Variants in CSMD1 observed in about 807,000 individuals in gnomAD.
CSMD1 encodes the protein CUB and sushi domain-containing protein 1.
Under a neutral mutation model 417.5 loss-of-function variants are expected in CSMD1, and 213 were observed. The observed-to-expected ratio is 0.51, with a 90% CI of 0.46 to 0.57. The LOEUF (loss-of-function observed/expected upper bound fraction) is 0.57, where lower values mean the gene tolerates loss of function less well. Among genes scored for constraint, CSMD1 ranks in the 20% least tolerant of loss-of-function variants. CSMD1 has a pLI of 0.00. For synonymous variants in CSMD1, 2,862 were observed against 1,736.8 expected, an observed-to-expected ratio of 1.65 and a Z score of -16.11; for missense variants, 6,923 against 4,529.7, an observed-to-expected ratio of 1.53 and a Z score of -15.17.
intron 17 of CSMD1, among the ~76,000 whole-genome samples, chr8:3,394,904 A>C (rs550019008): frequency 1.3e-5 from 2 of 152,330 alleles, no homozygotes; most frequent in East Asian, 3.9e-4. Context: ...ATTGATAAGC[A>C]ATTTTCCTGA....
intron 3 of CSMD1, among the ~76,000 whole-genome samples, chr8:4,054,211 G>C (rs1798577130): frequency 1.3e-5 from 2 of 152,062 alleles, no homozygotes; most frequent in Non-Finnish European, 2.9e-5. Flanking sequence ...AAATGATTTG[G>C]CGCCACCTCT....
chr8:3,966,058 A>G (rs533990338), intron 5 of CSMD1, among the ~76,000 whole-genome samples: 3 of 152,360 alleles, frequency 2.0e-5, no homozygotes, highest in Non-Finnish European at 4.4e-5. Flanking sequence ...GAATGACTCT[A>G]GAATAAAATA....
chr8:3,662,924 G>C (rs942234723), intron 7 of CSMD1, among the ~76,000 whole-genome samples: 1 of 152,088 alleles, frequency 6.6e-6, no homozygotes, highest in South Asian at 2.1e-4. Context: ...GTTGATAGGT[G>C]CAGCAAACCA....
At chr8:3,238,393 C>G (rs1479791920) in intron 26 of CSMD1, among the ~76,000 whole-genome samples, 1 of 151,976 alleles carries the variant, frequency 6.6e-6, no homozygotes, top group Non-Finnish European at 1.5e-5. Flanking sequence ...AGTTTGGGTT[C>G]AGAGGCCTGA....
chr8:3,906,758 C>A (rs1010107258), intron 5 of CSMD1, among the ~76,000 whole-genome samples: 1 of 151,566 alleles, frequency 6.6e-6, no homozygotes, highest in Admixed American at 6.6e-5. Flanking sequence ...TAAATTCCTA[C>A]AAGAGGAAAA....
At position 3,439,360 on chromosome 8, in the gene CSMD1, A is replaced by C. The variant is rs574953936; in HGVS notation, c.1561+29352T>G. Among the ~76,000 whole-genome samples the C allele has an allele frequency of 2.9e-3, 399 of 137,496 alleles. 2 individuals carry two copies. The highest frequency in any genetic ancestry group is 5.4e-3 in the Non-Finnish European group (354 of 65,120). The allele number at this position is 137,496 out of a possible 152,430, so 90.2% of individuals were successfully genotyped here. On this transcript the variant is annotated intron_variant, in intron 12 of 69. Transcript: ENST00000635120. ...ATTTTGGACATTTTGATAGCTGTGT[A>C]TAATAGCTCATTTTTGTCTTAAATT...
chr8:4,968,967 C>T (rs1810064386), intron 1 of CSMD1, among the ~76,000 whole-genome samples: 1 of 152,094 alleles, frequency 6.6e-6, no homozygotes, highest in Admixed American at 6.6e-5. Context: ...ATGTTCAAGC[C>T]CCTGTGCTTT....
At chr8:4,614,627 G>C (rs1037359312) in intron 2 of CSMD1, among the ~76,000 whole-genome samples, 1 of 151,812 alleles carries the variant, frequency 6.6e-6, no homozygotes, top group Non-Finnish European at 1.5e-5. Context: ...ACACACACAC[G>C]TACACGTACA....
intron 7 of CSMD1, among the ~76,000 whole-genome samples, chr8:3,656,549 A>T (rs1283308464): frequency 6.6e-6 from 1 of 152,202 alleles, no homozygotes; most frequent in Non-Finnish European, 1.5e-5. Flanking sequence ...TAGATGCTCA[A>T]ATGAGAACAT....
At chr8:4,234,412 T>G (rs2128816560) in intron 3 of CSMD1, among the ~76,000 whole-genome samples, 1 of 152,234 alleles carries the variant, frequency 6.6e-6, no homozygotes, top group East Asian at 1.9e-4. Flanking sequence ...CACCTCAGTC[T>G]GCTCTTCCAT....
intron 7 of CSMD1, among the ~76,000 whole-genome samples, chr8:3,640,542 C>T (rs1467738212): frequency 1.3e-5 from 2 of 152,154 alleles, no homozygotes; most frequent in African/African-American, 2.4e-5. Flanking sequence ...AGCATAAACT[C>T]ATTTTTTTCC....
chr8:3,446,423 T>C (rs1039636648), intron 12 of CSMD1, among the ~76,000 whole-genome samples: 2 of 152,226 alleles, frequency 1.3e-5, no homozygotes, highest in Non-Finnish European at 2.9e-5. Flanking sequence ...ATACAATGTA[T>C]CCTGACAAAA....
intron 7 of CSMD1, among the ~76,000 whole-genome samples, chr8:3,692,907 G>A (rs540987978): frequency 1.3e-5 from 2 of 152,190 alleles, no homozygotes; most frequent in Admixed American, 6.5e-5. Context: ...CTAACAAAAT[G>A]CCATTCAATT....
At chr8:4,466,323 A>T (rs1800166595) in intron 2 of CSMD1, among the ~76,000 whole-genome samples, 1 of 152,248 alleles carries the variant, frequency 6.6e-6, no homozygotes, top group African/African-American at 2.4e-5. Flanking sequence ...AAGAGGGAAG[A>T]AAGAAAGGGA....
chr8:3,686,830 G>T (rs1433131776), intron 7 of CSMD1, among the ~76,000 whole-genome samples: 1 of 152,168 alleles, frequency 6.6e-6, no homozygotes. Context: ...CAGGCCACAT[G>T]AAATTTGCAT....
chr8:4,227,051 C>G (rs1801403200), intron 3 of CSMD1, among the ~76,000 whole-genome samples: 1 of 152,160 alleles, frequency 6.6e-6, no homozygotes. Context: ...AACTCTAAGA[C>G]TGAACGACTC....
intron 2 of CSMD1, among the ~76,000 whole-genome samples, chr8:4,536,019 TATTAAC>T (rs1797084422): frequency 1.3e-5 from 2 of 152,190 alleles, no homozygotes; most frequent in Non-Finnish European, 2.9e-5. Flanking sequence ...ATGCCACCAT[TATTAAC>T]ATTATTTTTG....
chr8:3,745,088 G>A (rs1043786132), intron 6 of CSMD1, among the ~76,000 whole-genome samples: 1 of 152,136 alleles, frequency 6.6e-6, no homozygotes, highest in Non-Finnish European at 1.5e-5. Flanking sequence ...CATACAAGCT[G>A]AATTGTAGCC....
At chr8:4,486,252 T>TATATATATATATACATAC (rs1801408450) in intron 2 of CSMD1, among the ~76,000 whole-genome samples, 1 of 24,640 alleles carries the variant, frequency 4.1e-5, no homozygotes, top group African/African-American at 1.8e-4. Context: ...TATACATACA[T>TATATATATATATACATAC]ATATATATAT....
Sources: allele counts gnomAD v4.1 joint callset (sites outside exome capture counted in the v4.1 genomes callset), GRCh38; gene constraint gnomAD v4.1.1; transcripts MANE v1.5; gene names NCBI Gene and HGNC (gene_info 2026-07-23, HGNC 2026-07-21).